The following CDK14 variants were observed in gnomAD, a reference collection of about 807,000 sequenced individuals.
The protein encoded by CDK14 is cyclin dependent kinase 14.
Under a neutral mutation model 60.7 loss-of-function variants are expected in CDK14, and 34 were observed. The ratio of observed to expected loss-of-function variants is 0.56; its 90% CI spans 0.43 to 0.75. The LOEUF is 0.75. CDK14 is among the 30% of genes least tolerant of loss of function. The pLI is 0.00. For synonymous variants in CDK14, 197 were observed against 203.7 expected, an observed-to-expected ratio of 0.97 and a Z score of 0.28; for missense variants, 482 against 564.1, an observed-to-expected ratio of 0.85 and a Z score of 1.47.
intron 10 of CDK14, among the ~76,000 whole-genome samples, chr7:91,023,411 G>C (rs1017303262): frequency 6.6e-6 from 1 of 152,104 alleles, no homozygotes; most frequent in African/African-American, 2.4e-5. Flanking sequence ...AATTTCTACT[G>C]TTGACAAGAT....
chr7:90,829,977 A>C (rs1394450732), intron 5 of CDK14, among the ~76,000 whole-genome samples: 2 of 152,140 alleles, frequency 1.3e-5, no homozygotes, highest in Non-Finnish European at 2.9e-5. Context: ...TGCTGCCTTC[A>C]CGGGCTGGTG....
At chr7:90,872,682 A>G (rs186985742) in intron 6 of CDK14, among the ~76,000 whole-genome samples, 117 of 122,862 alleles carry the variant, frequency 9.5e-4, no homozygotes, top group Middle Eastern at 3.9e-3. Context: ...CATCATATCT[A>G]TCATCTCTAT....
Position 91,185,216 on chromosome 7 carries a change from G to A in CDK14, c.*29-21949G>A, listed in dbSNP as rs184797569. ...AGTAAACAATGATATAGAAATAAAA[G>A]AACTATTTAGAAAACTGTTGCCCTT... On this transcript the variant is annotated intron_variant, in intron 14 of 14. Transcript: ENST00000380050. Among the ~76,000 whole-genome samples, 803 of 150,610 alleles carry A rather than the reference G, an allele frequency of 5.3e-3. 14 individuals are homozygous for A. Among genetic ancestry groups the A allele is most frequent in the African/African-American group, 0.018 (731 of 40,900 alleles).
intron 9 of CDK14, among the ~76,000 whole-genome samples, chr7:90,961,791 C>G (rs1176728894): frequency 6.6e-6 from 1 of 152,230 alleles, no homozygotes; most frequent in African/African-American, 2.4e-5. Context: ...TAAGCCCACT[C>G]TCACTACGGA....
intron 9 of CDK14, among the ~76,000 whole-genome samples, chr7:90,977,757 A>G (rs1358198091): frequency 6.6e-6 from 1 of 152,080 alleles, no homozygotes; most frequent in Non-Finnish European, 1.5e-5. Context: ...CTGAGCTCAC[A>G]CAGAATAGCC....
intron 5 of CDK14, among the ~76,000 whole-genome samples, chr7:90,849,036 G>C (rs1790558520): frequency 6.6e-6 from 1 of 152,110 alleles, no homozygotes; most frequent in Non-Finnish European, 1.5e-5. Context: ...CATTGATTGA[G>C]TTTAGATGTT....
At chr7:90,599,997 C>G (rs919270556) in intron 1 of CDK14, among the ~76,000 whole-genome samples, 2 of 152,142 alleles carry the variant, frequency 1.3e-5, no homozygotes, top group Non-Finnish European at 2.9e-5. Flanking sequence ...CACTGCCCAC[C>G]CCAAATACAG....
chr7:90,953,191 TTTAA>T (rs1028119871), intron 8 of CDK14, among the ~76,000 whole-genome samples: 2 of 45,760 alleles, frequency 4.4e-5, no homozygotes, highest in Non-Finnish European at 8.2e-5. Context: ...AATAAATTGT[TTTAA>T]TTGACTGTGT....
intron 4 of CDK14, among the ~76,000 whole-genome samples, chr7:90,782,313 T>C (rs979017244): frequency 3.9e-5 from 6 of 152,168 alleles, no homozygotes; most frequent in African/African-American, 9.7e-5. Flanking sequence ...AAGGAGATTT[T>C]GGGCTGAGAC....
intron 5 of CDK14, among the ~76,000 whole-genome samples, chr7:90,845,115 T>C (rs1790424392): frequency 6.6e-6 from 1 of 152,014 alleles, no homozygotes; most frequent in African/African-American, 2.4e-5. Context: ...TTTTTACTTA[T>C]TTTTTTTCTT....
intron 2 of CDK14, among the ~76,000 whole-genome samples, chr7:90,697,542 T>C (rs1364941494): frequency 1.3e-5 from 2 of 152,208 alleles, no homozygotes; most frequent in Non-Finnish European, 2.9e-5. Context: ...AGTTACAATG[T>C]GCTTTCTTCC....
At chr7:91,172,166 A>G (rs1394089470) in intron 14 of CDK14, among the ~76,000 whole-genome samples, 1 of 152,188 alleles carries the variant, frequency 6.6e-6, no homozygotes, top group Non-Finnish European at 1.5e-5. Flanking sequence ...GTTAAGAGGT[A>G]TAGAGACAAA....
At chr7:91,150,938 A>G (rs562597395) in intron 14 of CDK14, among the ~76,000 whole-genome samples, 1 of 152,358 alleles carries the variant, frequency 6.6e-6, no homozygotes, top group Admixed American at 6.5e-5. Flanking sequence ...AATAAATACA[A>G]GATTCCTATT....
At chr7:91,180,891 T>C (rs961975373) in intron 14 of CDK14, among the ~76,000 whole-genome samples, 4 of 152,214 alleles carry the variant, frequency 2.6e-5, no homozygotes, top group South Asian at 2.1e-4. Flanking sequence ...TGAACTGCCA[T>C]GTACAGAGCT....
At chr7:90,813,221 G>T (rs909121033) in intron 5 of CDK14, among the ~76,000 whole-genome samples, 1 of 152,148 alleles carries the variant, frequency 6.6e-6, no homozygotes, top group Non-Finnish European at 1.5e-5. Context: ...GGAGTGCAGT[G>T]GCACAATCTC....
At chr7:90,631,029 T>C (rs1268361257) in intron 2 of CDK14, among the ~76,000 whole-genome samples, 1 of 152,126 alleles carries the variant, frequency 6.6e-6, no homozygotes, top group African/African-American at 2.4e-5. Context: ...ACCATCTCTG[T>C]ATATTACAAA....
intron 2 of CDK14, among the ~76,000 whole-genome samples, chr7:90,657,835 T>C (rs1163195166): frequency 6.6e-6 from 1 of 152,192 alleles, no homozygotes; most frequent in African/African-American, 2.4e-5. Context: ...ATTTTTACTA[T>C]ATGCAACAAC....
At chr7:91,091,066 A>G (rs112186566) in intron 12 of CDK14, among the ~76,000 whole-genome samples, 129 of 151,646 alleles carry the variant, frequency 8.5e-4, no homozygotes, top group African/African-American at 2.9e-3. Context: ...GTAGGTTTGT[A>G]TCATCCTTTT....
At chr7:90,765,143 C>T (rs770693072) in intron 4 of CDK14, among the ~76,000 whole-genome samples, 10 of 152,126 alleles carry the variant, frequency 6.6e-5, no homozygotes, top group Non-Finnish European at 1.2e-4. Context: ...ATTGAGAAAC[C>T]AAACAAGTAG....
Sources: allele counts gnomAD v4.1 joint callset (sites outside exome capture counted in the v4.1 genomes callset), GRCh38; gene constraint gnomAD v4.1.1; transcripts MANE v1.5; gene names NCBI Gene and HGNC (gene_info 2026-07-23, HGNC 2026-07-21).